The following SHISA7 variants were observed in gnomAD, a reference collection of about 807,000 sequenced individuals.
The protein encoded by SHISA7 is shisa family member 7, also known as protein shisa-7.
In SHISA7, 6 loss-of-function variants were observed where a neutral mutation model predicts 23.9. The observed-to-expected ratio is 0.25, with a 90% CI of 0.14 to 0.50. The LOEUF (loss-of-function observed/expected upper bound fraction) is 0.50. Ranked by LOEUF, SHISA7 falls within the 20% of genes least tolerant of loss-of-function variation. The pLI is 0.98. For missense variants in SHISA7, 671 were observed against 801.1 expected (o/e 0.84, Z 1.96); for synonymous variants, 386 against 398.3 (o/e 0.97, Z 0.37).
At position 55,433,635 on chromosome 19, in the gene SHISA7, G is replaced by T; in HGVS notation, c.1138C>A (p.Pro380Thr). 1 of 1,490,224 alleles carries T rather than the reference G, an allele frequency of 6.7e-7. No homozygotes were observed. Among genetic ancestry groups the T allele is most frequent in the Non-Finnish European group, 8.9e-7 (1 of 1,127,294 alleles). The allele number at this position is 1,490,224 out of a possible 1,614,324, so 92.3% of individuals were successfully genotyped here. Reference sequence around the variant, plus strand: ...TGCTCCTGGGACATGACCCGCCGGGGGTTGGGCGCGGGCGCCAGGCCCAGC... The same window carrying T: ...TGCTCCTGGGACATGACCCGCCGGGTGTTGGGCGCGGGCGCCAGGCCCAGC... ...EELGLAPAPN[P>T]RRVMSQEHLL... Residue 380 changes from proline (P) to threonine (T), a missense_variant, in exon 4 of 4, where the codon CCC (proline) becomes ACC (threonine). Pro to Thr is a conservative substitution (Grantham distance 38). This residue lies in a region of SHISA7 where 457 missense variants were observed against 488.3 expected (regional missense o/e 0.94). Transcript: ENST00000376325. This position sits in a 1 kb window ranked among gnomAD's most constrained non-coding sequence, Gnocchi z 8.4.
chr19:55,440,476 G>T, intron 2 of SHISA7, 135 bp downstream of exon 2: 5 of 822,422 alleles, frequency 6.1e-6, no homozygotes, highest in Non-Finnish European at 8.2e-6. Context: ...GGCAGGACCC[G>T]GCAGTGCAAG....
rs1985218832 is a variant in SHISA7, at chr19:55,432,049, C to G, written c.*1107G>C. ...TGGCCTTCCAGAGTGGGCAGTGCCT[C>G]TGAGGAGGAAGCTCTGGTGATGCCA... is the stretch of plus-strand genomic sequence containing the variant. On this transcript the variant is annotated 3_prime_UTR_variant, in exon 4 of 4. Transcript: ENST00000376325. This position sits in a 1 kb window ranked among gnomAD's most constrained non-coding sequence, Gnocchi z 4.6. 6.6e-6 allele frequency: 1 copy of G among 152,460 alleles called. No individual in the cohort carries two copies. The highest frequency in any genetic ancestry group is 1.9e-4 in the East Asian group (1 of 5,192). 9.4% of individuals were successfully genotyped at this position (152,460 alleles called of 1,614,324 possible). A position where few individuals can be genotyped will look rare whatever the true frequency, so the allele number is the denominator to read the frequency against.
In SHISA7 at chr19:55,433,085, G is replaced by A; in HGVS notation, c.*71C>T. The stretch of plus-strand genomic sequence containing the variant: ...GGCCCCAGGCCCCTGGCATGTGTGC[G>A]CCTGTGTCGGGGGATCCAGGCTGGG... On this transcript the variant is annotated 3_prime_UTR_variant, in exon 4 of 4. Transcript: ENST00000376325. This position sits in a 1 kb window ranked among gnomAD's most constrained non-coding sequence, Gnocchi z 8.4. 2 of 1,451,692 alleles carry A rather than the reference G, an allele frequency of 1.4e-6. No individual in the cohort carries two copies. The highest frequency in any genetic ancestry group is 1.4e-5 in the South Asian group (1 of 73,142). 89.9% of individuals were successfully genotyped at this position (1,451,692 alleles called of 1,614,324 possible). A position where few individuals can be genotyped will look rare whatever the true frequency, so the allele number is the denominator to read the frequency against.
chr19:55,433,601 C>T lies in SHISA7; in HGVS notation c.1172G>A (p.Gly391Asp). Residue 391 changes from glycine (G) to aspartate (D), a missense_variant, in exon 4 of 4, where the codon GGC (glycine) becomes GAC (aspartate). Physicochemically the swap from Gly to Asp is moderately conservative, Grantham distance 94. This residue lies in a region of SHISA7 where 457 missense variants were observed against 488.3 expected (regional missense o/e 0.94). Transcript: ENST00000376325. This position sits in a 1 kb window ranked among gnomAD's most constrained non-coding sequence, Gnocchi z 8.4. ...CTCGTAGCGCGAACGGCCACCATCG[C>T]CCAGCAGGTGCTCCTGGGACATGAC... ...RRVMSQEHLL[G>D]DGGRSRYEFT... The T allele has an allele frequency of 6.7e-7, 1 of 1,497,886 alleles. No homozygotes were observed. The highest frequency in any genetic ancestry group is 8.8e-7 in the Non-Finnish European group (1 of 1,129,984). The allele number at this position is 1,497,886 out of a possible 1,614,324, so 92.8% of individuals were successfully genotyped here.
At position 55,434,526 on chromosome 19, in the gene SHISA7, TGTG is replaced by T. The variant is rs536325240; in HGVS notation, c.977-733_977-731del. Among the ~76,000 whole-genome samples, 54 of 128,250 alleles carry T rather than the reference TGTG, an allele frequency of 4.2e-4. 1 individual carries two copies. The highest frequency in any genetic ancestry group is 1.9e-3 in the Admixed American group (24 of 12,418). 84.1% of individuals were successfully genotyped at this position (128,250 alleles called of 152,430 possible). A position where few individuals can be genotyped will look rare whatever the true frequency, so the allele number is the denominator to read the frequency against. On this transcript the variant is annotated intron_variant, in intron 3 of 3. Coordinates refer to ENST00000376325, the MANE Select transcript of SHISA7 (RefSeq NM_001145176.2). The stretch of plus-strand genomic sequence containing the variant: ...TGTGTATGTGGTGTGTGTGTGGTTG[TGTG>T]GTGTGTGTGTGGTTGTGTGTGTATG...
chr19:55,434,738 GTA>G (rs1314268822), intron 3 of SHISA7, among the ~76,000 whole-genome samples: 18 of 112,176 alleles, frequency 1.6e-4, no homozygotes, highest in African/African-American at 5.5e-4. Context: ...TGTGTGTGGT[GTA>G]TATGTGGTGT....
In SHISA7 at chr19:55,442,638, G is replaced by T; in HGVS notation, c.226C>A (p.Pro76Thr). ...AGGAGAAARA[P>T]PPAELCHGYY... ...CCGTGGCAGAGCTCGGCGGGAGGGG[G>T]CGCCCGGGCCGCCGCGCCCGCCCCG... The change falls in exon 1 of 4, where the codon CCC (proline) becomes ACC (threonine). Residue 76 changes from proline (P) to threonine (T), a missense_variant. Pro to Thr is a conservative substitution (Grantham distance 38, BLOSUM62 -1). Around this residue, in one of 5 missense-constraint regions of SHISA7, gnomAD observed 96 missense variants for 113.1 expected, o/e 0.85. Coordinates refer to ENST00000376325, the MANE Select transcript of SHISA7 (RefSeq NM_001145176.2). 7.4e-7 allele frequency: 1 copy of T among 1,355,902 alleles called. No individual in the cohort carries two copies. Among genetic ancestry groups the T allele is most frequent in the East Asian group, 3.6e-5 (1 of 27,734 alleles). 84.0% of individuals were successfully genotyped at this position (1,355,902 alleles called of 1,614,324 possible).
At chr19:55,439,686 C>T (rs1330767192) in intron 2 of SHISA7, among the ~76,000 whole-genome samples, 1 of 152,214 alleles carries the variant, frequency 6.6e-6, no homozygotes, top group Non-Finnish European at 1.5e-5. Flanking sequence ...TGCTCAAATA[C>T]CTCTCCCTCG....
At chr19:55,441,766 G>A (rs1454484320) in intron 1 of SHISA7, among the ~76,000 whole-genome samples, 1 of 152,252 alleles carries the variant, frequency 6.6e-6, no homozygotes, top group Non-Finnish European at 1.5e-5. Context: ...AATAGGTGGG[G>A]ACGATGATTA....
At chr19:55,439,105 T>C (rs1383228363) in intron 2 of SHISA7, among the ~76,000 whole-genome samples, 1 of 152,112 alleles carries the variant, frequency 6.6e-6, no homozygotes, top group African/African-American at 2.4e-5. Context: ...TGGCTCACCA[T>C]CACCCACGGG....
At position 55,432,856 on chromosome 19, in the gene SHISA7, C is replaced by G; in HGVS notation, c.*300G>C. Reference sequence around the variant, plus strand: ...CCGGCCTCTTCCTCTGTGATGACCTCATGGGAACGAGGCTTTGTCCCTGTG... The same window carrying G: ...CCGGCCTCTTCCTCTGTGATGACCTGATGGGAACGAGGCTTTGTCCCTGTG... On this transcript the variant is annotated 3_prime_UTR_variant, in exon 4 of 4. Coordinates refer to ENST00000376325, the MANE Select transcript of SHISA7 (RefSeq NM_001145176.2). The surrounding 1 kb of genome is among the most constrained non-coding windows in gnomAD (Gnocchi z 4.6). 1 of 364,308 alleles carries G rather than the reference C, an allele frequency of 2.7e-6. No individual in the cohort carries two copies. Among genetic ancestry groups the G allele is most frequent in the Non-Finnish European group, 5.0e-6 (1 of 200,690 alleles). The allele number at this position is 364,308 out of a possible 1,614,324, so 22.6% of individuals were successfully genotyped here.
intron 3 of SHISA7, among the ~76,000 whole-genome samples, chr19:55,434,822 TGTGTGTGTG>T (rs1431860993): frequency 1.4e-5 from 1 of 71,968 alleles, no homozygotes; most frequent in Non-Finnish European, 2.5e-5. Context: ...ATGGTGTGTA[TGTGTGTGTG>T]GTGTGTGGTG....
chr19:55,437,083 T>G (rs2123353319), intron 3 of SHISA7, among the ~76,000 whole-genome samples: 2 of 152,308 alleles, frequency 1.3e-5, no homozygotes, highest in East Asian at 3.9e-4. Context: ...ACCAATGGCA[T>G]CCAGGCCTGG....
chr19:55,442,883 A>T lies in SHISA7; in HGVS notation c.-20T>A. 7.7e-7 allele frequency: 1 copy of T among 1,296,786 alleles called. No individual in the cohort carries two copies. Among genetic ancestry groups the T allele is most frequent in the Non-Finnish European group, 9.8e-7 (1 of 1,023,238 alleles). The allele number at this position is 1,296,786 out of a possible 1,614,324, so 80.3% of individuals were successfully genotyped here. A position where few individuals can be genotyped will look rare whatever the true frequency, so the allele number is the denominator to read the frequency against. Reference sequence around the variant, plus strand: ...CGGCATGGGGCTTGCAGGGGGTCGCACTGGGCCGCCAGGCTGCGGGGAGAA... The same window carrying T: ...CGGCATGGGGCTTGCAGGGGGTCGCTCTGGGCCGCCAGGCTGCGGGGAGAA... On this transcript the variant is annotated 5_prime_UTR_variant, in exon 1 of 4. Coordinates refer to ENST00000376325, the MANE Select transcript of SHISA7 (RefSeq NM_001145176.2).
At chr19:55,434,324 G>GTA (rs1985303263) in intron 3 of SHISA7, among the ~76,000 whole-genome samples, 3 of 127,276 alleles carry the variant, frequency 2.4e-5, no homozygotes, top group African/African-American at 8.8e-5. Context: ...GTGTGTGTGT[G>GTA]GTGTGTGGTG....
In SHISA7 at chr19:55,431,256, G is replaced by A. The variant is rs1985197785; in HGVS notation, c.*1900C>T. On this transcript the variant is annotated 3_prime_UTR_variant, in exon 4 of 4. Transcript: ENST00000376325. Reference sequence around the variant, plus strand: ...CTATTGGGCATCATGGGTCTTGGGAGGTGATGACACCAAAATCATGAGGGA... The same window carrying A: ...CTATTGGGCATCATGGGTCTTGGGAAGTGATGACACCAAAATCATGAGGGA... The A allele has an allele frequency of 6.6e-6, 1 of 152,174 alleles. No individual in the cohort carries two copies. The highest frequency in any genetic ancestry group is 2.1e-4 in the South Asian group (1 of 4,834). The allele number at this position is 152,174 out of a possible 1,614,324, so 9.4% of individuals were successfully genotyped here. A position where few individuals can be genotyped will look rare whatever the true frequency, so the allele number is the denominator to read the frequency against.
In SHISA7 at chr19:55,433,702, C is replaced by G. The variant is rs951888048; in HGVS notation, c.1071G>C (p.Thr357=). Residue 357 remains threonine, a synonymous_variant, in exon 4 of 4, where the codon ACG becomes ACC. Coordinates refer to ENST00000376325, the MANE Select transcript of SHISA7 (RefSeq NM_001145176.2). The surrounding 1 kb of genome is among the most constrained non-coding windows in gnomAD (Gnocchi z 8.4). ...LPLHALRRPG[T]GGGYRMEAWG... ...AGGCCTCCATGCGATAGCCGCCCCC[C>G]GTGCCCGGCCGCCGCAGCGCGTGCA... 8.5e-5 allele frequency: 126 copies of G among 1,479,208 alleles called. No homozygotes were observed. The highest frequency in any genetic ancestry group is 1.1e-4 in the Non-Finnish European group (124 of 1,123,058). The allele number at this position is 1,479,208 out of a possible 1,614,324, so 91.6% of individuals were successfully genotyped here.
Position 55,433,420 on chromosome 19 carries a change from G to A in SHISA7, c.1353C>T (p.His451=). 2 of 1,326,258 alleles carry A rather than the reference G, an allele frequency of 1.5e-6. No homozygotes were observed. Among genetic ancestry groups the A allele is most frequent in the Non-Finnish European group, 1.9e-6 (2 of 1,046,520 alleles). The allele number at this position is 1,326,258 out of a possible 1,614,324, so 82.2% of individuals were successfully genotyped here. Reference sequence around the variant, plus strand: ...CCCCGGGCCCCAGCAGCAGGTTGGAGTGCGAGGCGGCCAGGCTGGCCCGGG... The same window carrying A: ...CCCCGGGCCCCAGCAGCAGGTTGGAATGCGAGGCGGCCAGGCTGGCCCGGG... ...PTARASLAAS[H]SNLLLGPGGP... The change falls in exon 4 of 4, where the codon CAC becomes CAT. Residue 451 remains histidine, a synonymous_variant. Coordinates refer to ENST00000376325, the MANE Select transcript of SHISA7 (RefSeq NM_001145176.2). The surrounding 1 kb of genome is among the most constrained non-coding windows in gnomAD (Gnocchi z 8.4).
chr19:55,433,834 C>T lies in SHISA7; in HGVS notation c.977-38G>A, dbSNP rs1985279317. ...GGGGAAAAGCCACAGCCGTGGGTCCCCTGCGCATCTAGAGCCCTCCCCCTC... is the reference window on the plus strand; with the variant it reads ...GGGGAAAAGCCACAGCCGTGGGTCCTCTGCGCATCTAGAGCCCTCCCCCTC... On this transcript the variant is annotated intron_variant, in intron 3 of 3. Transcript: ENST00000376325. This position sits in a 1 kb window ranked among gnomAD's most constrained non-coding sequence, Gnocchi z 8.4. 7.3e-7 allele frequency: 1 copy of T among 1,365,170 alleles called. No individual in the cohort carries two copies. Among genetic ancestry groups the T allele is most frequent in the Non-Finnish European group, 9.4e-7 (1 of 1,066,438 alleles). The allele number at this position is 1,365,170 out of a possible 1,614,324, so 84.6% of individuals were successfully genotyped here.
Sources: gnomAD v4.1 joint callset for allele counts (sites outside exome capture counted in the v4.1 genomes callset) on GRCh38, gnomAD v4.1.1 for gene constraint, gnomAD v4.1.1 regional missense constraint, Gnocchi (gnomAD v3.1) non-coding constraint, MANE v1.5 for transcripts, NCBI Gene and HGNC (gene_info 2026-07-23, HGNC 2026-07-21) for gene names.